SPG11: variants seen among roughly 807,000 people sequenced by gnomAD.
The protein encoded by SPG11 is spatacsin.
In SPG11, 222 loss-of-function variants were observed where a neutral mutation model predicts 274.0. That is an observed-to-expected ratio of 0.81 (90% CI 0.73 to 0.91). The LOEUF (loss-of-function observed/expected upper bound fraction) is 0.91, where lower values mean the gene tolerates loss of function less well. Ranked by LOEUF, SPG11 falls within the 40% of genes least tolerant of loss-of-function variation. The pLI, the probability that SPG11 is intolerant of heterozygous loss-of-function variation, is 0.00. For missense variants in SPG11, 3,114 were observed against 2,872.7 expected, an observed-to-expected ratio of 1.08 and a Z score of -1.92; for synonymous variants, 1,144 against 1,039.7, an observed-to-expected ratio of 1.10 and a Z score of -1.93.
In SPG11 at chr15:44,651,756, A is replaced by G. The variant is rs1398516047; in HGVS notation, c.1191T>C (p.Asn397=). The change falls in exon 6 of 40, where the codon AAT becomes AAC. Residue 397 remains asparagine (N), a synonymous_variant. Transcript: ENST00000261866. ...TCTTGGCATGATCTTTCTGTAGAAC[A>G]TTATATTGCCCATGCATTATGTCCT... ...IPQDIMHGQY[N]VLQKDHAKTS... The G allele has an allele frequency of 6.2e-7, 1 of 1,614,228 alleles. No individual in the cohort carries two copies.
rs1325768263 is a variant in SPG11, at chr15:44,600,498, C to G, written c.3655G>C (p.Glu1219Gln). Residue 1219 changes from glutamate to glutamine, a missense_variant, in exon 21 of 40, where the codon GAA (glutamate) becomes CAA (glutamine). By Grantham distance (29) the Glu-to-Gln change is conservative. Coordinates refer to ENST00000261866, the MANE Select transcript of SPG11 (RefSeq NM_025137.4). ...SFAFGTFLVQ[E>Q]LIKSKTPKQL... ...TTGGGAGTCTTGCTCTTGATTAATTCCTGGACCAGAAAAGTACCAAATGCA... is the reference window on the plus strand; with the variant it reads ...TTGGGAGTCTTGCTCTTGATTAATTGCTGGACCAGAAAAGTACCAAATGCA... 3.1e-6 allele frequency: 5 copies of G among 1,613,946 alleles called. No homozygotes were observed. Among genetic ancestry groups the G allele is most frequent in the Admixed American group, 1.7e-5 (1 of 59,988 alleles).
intron 7 of SPG11, among the ~76,000 whole-genome samples, chr15:44,636,958 C>CAAAAAAAA (rs1328250311): frequency 6.7e-5 from 6 of 89,120 alleles, no homozygotes; most frequent in Admixed American, 1.3e-4. Context: ...AAAAAAAAAA[C>CAAAAAAAA]AAAAAAAAAA....
intron 20 of SPG11, among the ~76,000 whole-genome samples, chr15:44,603,698 C>T (rs1054729320): frequency 1.3e-5 from 2 of 152,062 alleles, no homozygotes; most frequent in African/African-American, 4.8e-5. Context: ...TACCAAAATC[C>T]ACAGAAGGAT....
rs750934135 is a variant in SPG11 at position 44,598,765 on chromosome 15, G to C, written c.3758C>G (p.Ala1253Gly). 4.3e-6 allele frequency: 7 copies of C among 1,614,050 alleles called. No individual in the cohort carries two copies. The highest frequency in any genetic ancestry group is 5.9e-6 in the Non-Finnish European group (7 of 1,180,032). Residue 1253 changes from alanine to glycine, a missense_variant, in exon 22 of 40, where the codon GCA becomes GGA. Ala to Gly is a moderately conservative substitution (Grantham distance 60, BLOSUM62 0). Coordinates refer to ENST00000261866, the MANE Select transcript of SPG11 (RefSeq NM_025137.4). ...SSFHIPSIGA[A>G]CVCFLELLGL... Reference sequence around the variant, plus strand: ...AAGCAATTCTAAGAAACAAACACATGCAGCTCCTATTGAAGGTATGTGGAA... The same window carrying C: ...AAGCAATTCTAAGAAACAAACACATCCAGCTCCTATTGAAGGTATGTGGAA...
chr15:44,566,564 A>G (rs923288229), intron 36 of SPG11, among the ~76,000 whole-genome samples: 5 of 152,186 alleles, frequency 3.3e-5, no homozygotes, highest in African/African-American at 1.2e-4. Flanking sequence ...ATCAACGTGC[A>G]TGTTGGTTCC....
At chr15:44,627,549 G>A (rs1318954215) in intron 10 of SPG11, among the ~76,000 whole-genome samples, 1 of 151,798 alleles carries the variant, frequency 6.6e-6, no homozygotes, top group Non-Finnish European at 1.5e-5. Context: ...ATCTGTGAAG[G>A]AGACAGGAAA....
chr15:44,626,376 T>A lies in SPG11; in HGVS notation c.2199A>T (p.Leu733Phe), dbSNP rs370856739. ...GIGLNLVFDNLKKNNIKEASE... is the reference protein window; with the variant it reads ...GIGLNLVFDNFKKNNIKEASE... ...AGGCTTCCTTTATATTGTTCTTTTTTAAATTGTCAAAGACCAAATTTAGGC... is the reference window on the plus strand; with the variant it reads ...AGGCTTCCTTTATATTGTTCTTTTTAAAATTGTCAAAGACCAAATTTAGGC... The change falls in exon 11 of 40, where the codon TTA (leucine) becomes TTT (phenylalanine). Residue 733 changes from leucine to phenylalanine, a missense_variant. Transcript: ENST00000261866. The A allele has an allele frequency of 8.1e-6, 13 of 1,613,446 alleles. No individual in the cohort carries two copies. The Admixed American group carries it at 2.0e-4, about 25-fold the overall frequency.
At chr15:44,576,881 C>T (rs559817991) in intron 30 of SPG11, among the ~76,000 whole-genome samples, 1 of 151,300 alleles carries the variant, frequency 6.6e-6, no homozygotes, top group Non-Finnish European at 1.5e-5. Flanking sequence ...GGCTAGAGTG[C>T]AGTGGCACCA....
At chr15:44,632,472 GA>G (rs1567177280) in intron 8 of SPG11, among the ~76,000 whole-genome samples, 1 of 151,234 alleles carries the variant, frequency 6.6e-6, no homozygotes, top group East Asian at 1.9e-4. Context: ...CCAAAATCTT[GA>G]AAAGTGTTGG....
At chr15:44,653,991 T>C (rs2084862188) in intron 4 of SPG11, among the ~76,000 whole-genome samples, 1 of 152,204 alleles carries the variant, frequency 6.6e-6, no homozygotes, top group African/African-American at 2.4e-5. Flanking sequence ...TCTTGCTCTG[T>C]TGCCCAGGCT....
At chr15:44,582,862 G>T (rs2082683835) in intron 30 of SPG11, among the ~76,000 whole-genome samples, 1 of 151,914 alleles carries the variant, frequency 6.6e-6, no homozygotes, top group African/African-American at 2.4e-5. Flanking sequence ...GAACAGAAGG[G>T]AACTTTTTCA....
At position 44,620,305 on chromosome 15, in the gene SPG11, G is replaced by A. The variant is rs1411461951; in HGVS notation, c.2719C>T (p.His907Tyr). The A allele has an allele frequency of 4.3e-6, 7 of 1,613,974 alleles. No individual in the cohort carries two copies. The highest frequency in any genetic ancestry group is 5.9e-6 in the Non-Finnish European group (7 of 1,179,908). ...ILWIGEFQTQ[H>Y]SYASLQQNKW... ...TTCTGCTGAAGTGAAGCATAACTAT[G>A]CTGGGTTTGAAATTCTCCAATCCAT... Residue 907 changes from histidine to tyrosine, a missense_variant, in exon 15 of 40, where the codon CAT becomes TAT. By Grantham distance (83) the His-to-Tyr change is moderately conservative. Transcript: ENST00000261866.
chr15:44,635,141 G>A lies in SPG11; in HGVS notation c.1603-1504C>T, dbSNP rs549707721. Among the ~76,000 whole-genome samples the A allele has an allele frequency of 2.9e-4, 44 of 152,096 alleles. No individual in the cohort carries two copies. The South Asian group carries it at 8.3e-3, about 29-fold the overall frequency. ...TGGGGCAGGAGAATCGCTGGAACCC[G>A]GGAGGTGGAGGTTGTGGTGAGCCAA... On this transcript the variant is annotated intron_variant, in intron 7 of 39. Transcript: ENST00000261866.
At chr15:44,568,812 G>T (rs1169030421) in intron 35 of SPG11, among the ~76,000 whole-genome samples, 1 of 152,148 alleles carries the variant, frequency 6.6e-6, no homozygotes, top group Non-Finnish European at 1.5e-5. Flanking sequence ...TGCCAGAGAA[G>T]GCATTTAAGA....
At position 44,604,198 on chromosome 15, in the gene SPG11, C is replaced by CA; in HGVS notation, c.3520+1826_3520+1827insT. ...GACTTTTCACATTGTGACCTGATTC[C>CA]TAAAAAAAAAAAAAAGGCTTGAAGA... On this transcript the variant is annotated intron_variant, in intron 20 of 39. Transcript: ENST00000261866. 3 of 398,546 alleles carry CA rather than the reference C, an allele frequency of 7.5e-6. No homozygotes were observed. The Admixed American group carries it at 9.4e-5, about 13-fold the overall frequency. The allele number at this position is 398,546 out of a possible 1,614,324, so 24.7% of individuals were successfully genotyped here.
intron 4 of SPG11, among the ~76,000 whole-genome samples, chr15:44,653,230 G>C (rs1019227049): frequency 6.6e-6 from 1 of 152,134 alleles, no homozygotes; most frequent in Non-Finnish European, 1.5e-5. Flanking sequence ...AAAGCAATAT[G>C]AACAGATGCA....
At chr15:44,573,503 A>G (rs1316802215) in intron 32 of SPG11, 44 bp downstream of exon 32, 2 of 1,602,102 alleles carry the variant, frequency 1.2e-6, no homozygotes, top group South Asian at 2.2e-5. Flanking sequence ...TGGGAACTAG[A>G]GAATGCTGTC....
At chr15:44,601,422 A>C (rs570177602) in intron 20 of SPG11, among the ~76,000 whole-genome samples, 12 of 151,950 alleles carry the variant, frequency 7.9e-5, no homozygotes, top group Non-Finnish European at 1.3e-4. Context: ...CACCACACCC[A>C]GCTTTCTTTA....
Position 44,574,936 on chromosome 15 carries a change from CAGT to C in SPG11, c.5969_5971del (p.Tyr1990del), listed in dbSNP as rs2140931403. On this transcript the variant is annotated inframe_deletion, in exon 31 of 40. Coordinates refer to ENST00000261866, the MANE Select transcript of SPG11 (RefSeq NM_025137.4). ...ATCATACAGACAGAGGACCTGTCGA[CAGT>C]AGTTCTTCCCATGGAGGCATTTGCT... 2 of 1,614,090 alleles carry C rather than the reference CAGT, an allele frequency of 1.2e-6. No homozygotes were observed. The highest frequency in any genetic ancestry group is 4.5e-5 in the East Asian group (2 of 44,880).
Sources: gnomAD v4.1 joint callset for allele counts (sites outside exome capture counted in the v4.1 genomes callset) on GRCh38, gnomAD v4.1.1 for gene constraint, MANE v1.5 for transcripts, NCBI Gene and HGNC (gene_info 2026-07-23, HGNC 2026-07-21) for gene names.